RIN3: variants seen among roughly 807,000 people sequenced by gnomAD.
The protein encoded by RIN3 is Ras and Rab interactor 3, also known as RAB5 interacting protein 3.
A neutral mutation model predicts 76.3 loss-of-function variants in RIN3; 54 were observed. The observed-to-expected ratio is 0.71, with a 90% confidence interval of 0.57 to 0.89. RIN3 has a LOEUF of 0.89. RIN3 is among the 40% of genes least tolerant of loss of function. The probability of loss-of-function intolerance (pLI) is 0.00; values close to 1 mark genes in which losing one functional copy is unlikely to be tolerated. For missense variants in RIN3, 1,256 were observed against 1,322.1 expected (o/e 0.95, Z 0.78); for synonymous variants, 576 against 564.0 (o/e 1.02, Z -0.30).
rs145890153 is a variant in RIN3, at chr14:92,582,789, C to T, written c.367+5312C>T. On this transcript the variant is annotated intron_variant, in intron 3 of 9. Transcript: ENST00000216487. ...TGTATTACTCCATTGCTCTCCAAAC[C>T]TCACTCCCCTGAGGTCAGCCACTAG... Among the ~76,000 whole-genome samples the T allele has an allele frequency of 3.9e-3, 598 of 152,286 alleles. 6 individuals are homozygous for T. Among genetic ancestry groups the T allele is most frequent in the African/African-American group, 0.014 (580 of 41,552 alleles).
chr14:92,558,217 T>C (rs2140037728), intron 2 of RIN3, among the ~76,000 whole-genome samples: 1 of 152,110 alleles, frequency 6.6e-6, no homozygotes, highest in East Asian at 1.9e-4. Flanking sequence ...GGCACGGAAG[T>C]GTGCACTTGT....
At chr14:92,622,859 TCAA>T (rs2140111425) in intron 4 of RIN3, among the ~76,000 whole-genome samples, 1 of 152,384 alleles carries the variant, frequency 6.6e-6, no homozygotes, top group Admixed American at 6.5e-5. Context: ...CTATTTGTGG[TCAA>T]CAACAATTTC....
chr14:92,514,204 C>T lies in RIN3; in HGVS notation c.44+228C>T, dbSNP rs886170732. 1.3e-5 allele frequency among the ~76,000 whole-genome samples: 2 copies of T among 152,172 alleles called. No individual in the cohort carries two copies. Among genetic ancestry groups the T allele is most frequent in the African/African-American group, 4.8e-5 (2 of 41,444 alleles). ...TGTTGGCTAAACTTTCAAGGCCAGG[C>T]ATTTCACTGGGAACCCAGTGCACAC... On this transcript the variant is annotated intron_variant, in intron 1 of 9. Transcript: ENST00000216487. The surrounding 1 kb of genome is among the most constrained non-coding windows in gnomAD (Gnocchi z 7.2).
rs572318532 is a variant in RIN3, at chr14:92,621,235, C to CAAAAAAAAAAAAA, written c.440+5764_440+5776dup. 2.0e-3 allele frequency among the ~76,000 whole-genome samples: 143 copies of CAAAAAAAAAAAAA among 70,626 alleles called. 12 individuals are homozygous for CAAAAAAAAAAAAA. The highest frequency in any genetic ancestry group is 4.1e-3 in the East Asian group (10 of 2,426). The allele number at this position is 70,626 out of a possible 152,430, so 46.3% of individuals were successfully genotyped here. A position where few individuals can be genotyped will look rare whatever the true frequency, so the allele number is the denominator to read the frequency against. ...TGGGTGACAGAGCGAGACTCCGTCT[C>CAAAAAAAAAAAAA]AAAAAAAAAAAAAAAAAAAAGAATT... On this transcript the variant is annotated intron_variant, in intron 4 of 9. Transcript: ENST00000216487.
chr14:92,581,248 TAGAG>T (rs2140064402), intron 3 of RIN3, among the ~76,000 whole-genome samples: 1 of 152,154 alleles, frequency 6.6e-6, no homozygotes, highest in African/African-American at 2.4e-5. Flanking sequence ...TCCTGGGAGA[TAGAG>T]AGGACCATCA....
intron 3 of RIN3, among the ~76,000 whole-genome samples, chr14:92,579,144 T>G (rs1898354125): frequency 6.6e-6 from 1 of 152,012 alleles, no homozygotes; most frequent in Non-Finnish European, 1.5e-5. Flanking sequence ...GTCAGGCTGG[T>G]CTCGAACCCC....
chr14:92,688,120 C>T lies in RIN3; in HGVS notation c.2826C>T (p.Cys942=). The T allele has an allele frequency of 6.2e-7, 1 of 1,609,644 alleles. No individual in the cohort carries two copies. Among genetic ancestry groups the T allele is most frequent in the Non-Finnish European group, 8.5e-7 (1 of 1,178,670 alleles). ...FQLADDALPH[C]IKGYLLRSEP... is the part of the protein sequence containing the mutation. ...TGGCGGACGACGCGCTGCCGCACTG[C>T]ATCAAGGGCTACCTGCTGCGCAGCG... The change falls in exon 10 of 10, where the codon TGC becomes TGT. Residue 942 remains cysteine (C), a synonymous_variant. Transcript: ENST00000216487.
intron 6 of RIN3, 30 bp downstream of exon 6, chr14:92,653,105 G>A (rs2140144046): frequency 6.3e-7 from 1 of 1,576,302 alleles, no homozygotes; most frequent in Non-Finnish European, 8.6e-7. Context: ...GTGGCAGGGA[G>A]GAGAGGGCGG....
chr14:92,659,125 T>C, intron 6 of RIN3, 36 bp from the exon 7 acceptor site: 1 of 1,604,370 alleles, frequency 6.2e-7, no homozygotes, highest in East Asian at 2.2e-5. Flanking sequence ...TCCCTGCATC[T>C]GGTTTCCTCA....
Position 92,688,487 on chromosome 14 carries a change from A to T in RIN3, c.*235A>T, listed in dbSNP as rs1472796083. 7 of 552,180 alleles carry T rather than the reference A, an allele frequency of 1.3e-5. No homozygotes were observed. The highest frequency in any genetic ancestry group is 1.9e-5 in the Non-Finnish European group (6 of 314,000). The allele number at this position is 552,180 out of a possible 1,614,324, so 34.2% of individuals were successfully genotyped here. A position where few individuals can be genotyped will look rare whatever the true frequency, so the allele number is the denominator to read the frequency against. ...AGACGGCATGTTCTTCATTAGACGG[A>T]AAGGGAAACTGAGGCTCAGGAGAGA... On this transcript the variant is annotated 3_prime_UTR_variant, in exon 10 of 10. Coordinates refer to ENST00000216487, the MANE Select transcript of RIN3 (RefSeq NM_024832.5).
At chr14:92,566,397 C>G (rs1022647157) in intron 2 of RIN3, among the ~76,000 whole-genome samples, 26 of 152,222 alleles carry the variant, frequency 1.7e-4, no homozygotes, top group Admixed American at 1.7e-3. Context: ...TGGCTTTCTC[C>G]TCCTAGGCTC....
At chr14:92,530,983 G>A (rs1216241782) in intron 1 of RIN3, among the ~76,000 whole-genome samples, 3 of 152,032 alleles carry the variant, frequency 2.0e-5, no homozygotes, top group African/African-American at 2.4e-5. Context: ...CACTGTCTTC[G>A]GAGTCTTTGG....
intron 4 of RIN3, among the ~76,000 whole-genome samples, chr14:92,638,325 C>A (rs1362317160): frequency 6.6e-6 from 1 of 152,164 alleles, no homozygotes; most frequent in Admixed American, 6.5e-5. Context: ...CATTTGGGAG[C>A]CAGCAGGAGT....
At chr14:92,546,389 C>G (rs1030648228) in intron 1 of RIN3, among the ~76,000 whole-genome samples, 1 of 152,180 alleles carries the variant, frequency 6.6e-6, no homozygotes, top group East Asian at 1.9e-4. Context: ...CTATTCTCTA[C>G]TTGCTGTTTT....
At chr14:92,641,962 G>A (rs1887031070) in intron 5 of RIN3, among the ~76,000 whole-genome samples, 3 of 152,208 alleles carry the variant, frequency 2.0e-5, no homozygotes, top group African/African-American at 7.2e-5. Flanking sequence ...CAATCAGCAG[G>A]TGCCTACCTA....
At chr14:92,659,914 A>G (rs935095958) in intron 7 of RIN3, among the ~76,000 whole-genome samples, 2 of 152,156 alleles carry the variant, frequency 1.3e-5, no homozygotes, top group African/African-American at 4.8e-5. Context: ...AGCTTCTGGT[A>G]GCTCCTTGGC....
At chr14:92,542,316 G>A (rs1252647978) in intron 1 of RIN3, among the ~76,000 whole-genome samples, 1 of 151,912 alleles carries the variant, frequency 6.6e-6, no homozygotes, top group African/African-American at 2.4e-5. Context: ...ATGAACAGAT[G>A]CTCAATATCA....
intron 3 of RIN3, 116 bp from the exon 4 acceptor site, chr14:92,615,290 TG>T: frequency 1.2e-6 from 1 of 822,314 alleles, no homozygotes; most frequent in Non-Finnish European, 2.1e-6. Context: ...CAGCCCAGCA[TG>T]GGACCCAGAA....
intron 1 of RIN3, among the ~76,000 whole-genome samples, chr14:92,527,046 C>CTTTT (rs1215618245): frequency 3.5e-4 from 39 of 109,952 alleles, no homozygotes; most frequent in African/African-American, 7.3e-4. Context: ...TTCTCCCCAT[C>CTTTT]TTTTTTTTTT....
Sources: allele counts gnomAD v4.1 joint callset (sites outside exome capture counted in the v4.1 genomes callset), GRCh38; gene constraint gnomAD v4.1.1; non-coding constraint Gnocchi (gnomAD v3.1); transcripts MANE v1.5; gene names NCBI Gene and HGNC (gene_info 2026-07-23, HGNC 2026-07-21).